Variants in CCDC32 observed in about 807,000 individuals in gnomAD.
CCDC32 encodes the protein coiled-coil domain containing 32, also known as coiled-coil domain-containing protein 32.
A neutral mutation model predicts 20.1 loss-of-function variants in CCDC32; 9 were observed. The observed-to-expected ratio is 0.45, with a 90% CI of 0.27 to 0.78. The LOEUF (loss-of-function observed/expected upper bound fraction) is 0.78. Among genes scored for constraint, CCDC32 ranks in the 30% least tolerant of loss-of-function variants. The pLI is 0.16. For missense variants in CCDC32, 204 were observed against 215.5 expected, an observed-to-expected ratio of 0.95 and a Z score of 0.33; for synonymous variants, 63 against 79.0, an observed-to-expected ratio of 0.80 and a Z score of 1.07.
At chr15:40,539,880 A>ACCC in intron 3 of CCDC32, among the ~76,000 whole-genome samples, 1 of 139,040 alleles carries the variant, frequency 7.2e-6, no homozygotes, top group East Asian at 2.0e-4. Flanking sequence ...ACACACACAC[A>ACCC]CCCCGCTCCT....
chr15:40,527,668 G>C (rs1402045594), downstream of CCDC32, among the ~76,000 whole-genome samples: 1 of 152,194 alleles, frequency 6.6e-6, no homozygotes, highest in Non-Finnish European at 1.5e-5. Context: ...TACTGTGGGA[G>C]GGGAGCTGGT....
chr15:40,541,321 C>G (rs1013929681), intron 3 of CCDC32, among the ~76,000 whole-genome samples: 17 of 144,470 alleles, frequency 1.2e-4, no homozygotes, highest in Admixed American at 9.7e-4. Context: ...TGGCAAAATT[C>G]TGAGCTGTAA....
At position 40,562,973 on chromosome 15, in the gene CCDC32, C is replaced by A. The variant is rs200355814; in HGVS notation, c.43G>T (p.Gly15Cys). The change falls in exon 2 of 4, where the codon GGC becomes TGC. Residue 15 changes from glycine to cysteine, a missense_variant. Gly to Cys is a radical substitution (Grantham distance 159). Coordinates refer to ENST00000416810, the MANE Select transcript of CCDC32 (RefSeq NM_001080792.4). The stretch of plus-strand genomic sequence containing the variant: ...CAAATTTCAGCCCAGAGATCCTGGC[C>A]AGATCTTGTGGCTGTAGAGTCAGCG... ...ESADSTATRS[G>C]QDLWAEICSC... The A allele has an allele frequency of 5.8e-5, 93 of 1,614,182 alleles. No individual in the cohort carries two copies. The East Asian group carries it at 2.0e-3, about 35-fold the overall frequency.
chr15:40,532,265 A>C (rs189049717), downstream of CCDC32: 3 of 703,096 alleles, frequency 4.3e-6, no homozygotes, highest in Non-Finnish European at 5.2e-6. Context: ...TCCTGGCATC[A>C]GGTGTCAAAG....
intron 3 of CCDC32, among the ~76,000 whole-genome samples, chr15:40,543,106 C>A (rs1314228869): frequency 2.7e-5 from 4 of 150,740 alleles, no homozygotes; most frequent in Admixed American, 6.6e-5. Flanking sequence ...AATGCCACTA[C>A]ACTCTAGCCT....
downstream of CCDC32, among the ~76,000 whole-genome samples, chr15:40,527,166 G>A (rs1894909336): frequency 6.7e-6 from 1 of 150,336 alleles, no homozygotes; most frequent in Non-Finnish European, 1.5e-5. Context: ...GCCTAGGCTG[G>A]TCTCGAACTG....
At chr15:40,523,098 A>G in the CCDC32 span, among the ~76,000 whole-genome samples, 1 of 151,702 alleles carries the variant, frequency 6.6e-6, no homozygotes, top group Non-Finnish European at 1.5e-5. Context: ...CCTGGCCAAC[A>G]TAGTGAAACC....
In CCDC32 at chr15:40,547,507, C is replaced by T. The variant is rs146959625; in HGVS notation, c.402-8152G>A. On this transcript the variant is annotated intron_variant, in intron 3 of 3. Coordinates refer to the CCDC32 transcript ENST00000558113. The stretch of plus-strand genomic sequence containing the variant: ...GATTAGCCAAAGTTCTTGCCCTCCC[C>T]ACAACAGAGTGGACCTTCGCTTGAA... Among the ~76,000 whole-genome samples, 260 of 152,288 alleles carry T rather than the reference C, an allele frequency of 1.7e-3. 1 individual carries two copies. Among genetic ancestry groups the T allele is most frequent in the Non-Finnish European group, 3.1e-3 (208 of 68,030 alleles).
downstream of CCDC32, among the ~76,000 whole-genome samples, chr15:40,550,770 C>A (rs1889820078): frequency 6.6e-6 from 1 of 152,222 alleles, no homozygotes; most frequent in Non-Finnish European, 1.5e-5. Context: ...CAGGTTTACA[C>A]ATGGGCTAGA....
chr15:40,555,958 T>C (rs193133478), intron 3 of CCDC32, among the ~76,000 whole-genome samples: 1 of 152,358 alleles, frequency 6.6e-6, no homozygotes, highest in Non-Finnish European at 1.5e-5. Context: ...CAGCCAACAC[T>C]TCTATAGTGC....
At chr15:40,525,065 C>CT (rs1487761331), downstream of CCDC32, among the ~76,000 whole-genome samples, 15 of 150,332 alleles carry the variant, frequency 1.0e-4, no homozygotes, top group Admixed American at 3.3e-4. Flanking sequence ...GAGTCTCACT[C>CT]TGTCGCCCAG....
chr15:40,561,208 C>T (rs893063685), intron 2 of CCDC32, among the ~76,000 whole-genome samples: 1 of 152,106 alleles, frequency 6.6e-6, no homozygotes, highest in African/African-American at 2.4e-5. Context: ...GGCACGGTGG[C>T]TCACACCTGT....
At chr15:40,558,212 A>G (rs1030827616) in intron 2 of CCDC32, among the ~76,000 whole-genome samples, 1 of 152,224 alleles carries the variant, frequency 6.6e-6, no homozygotes, top group African/African-American at 2.4e-5. Flanking sequence ...GGTGGTGAAC[A>G]TCAAGCTTAG....
chr15:40,549,649 T>TG (rs1315155702), downstream of CCDC32, among the ~76,000 whole-genome samples: 8 of 152,302 alleles, frequency 5.3e-5, no homozygotes, highest in Non-Finnish European at 1.0e-4. Flanking sequence ...GCACCATGCC[T>TG]GGAACATGGC....
At chr15:40,521,777 A>G in the CCDC32 span, among the ~76,000 whole-genome samples, 1 of 152,260 alleles carries the variant, frequency 6.6e-6, no homozygotes, top group African/African-American at 2.4e-5. Context: ...ATGTCTATTC[A>G]GATCCTTTGC....
In CCDC32 at chr15:40,553,678, C is replaced by T. The variant is rs1206037505; in HGVS notation, c.*293G>A. 7.6e-6 allele frequency: 9 copies of T among 1,182,808 alleles called. No homozygotes were observed. The African/African-American group carries it at 1.1e-4, about 14-fold the overall frequency. 73.3% of individuals were successfully genotyped at this position (1,182,808 alleles called of 1,614,324 possible). A position where few individuals can be genotyped will look rare whatever the true frequency, so the allele number is the denominator to read the frequency against. ...ACTTCTAACCTGCAGAGACAGAGCT[C>T]AGCCAAGCTGTGAGACACAGAGGAA... On this transcript the variant is annotated 3_prime_UTR_variant, in exon 4 of 4. Coordinates refer to ENST00000416810, the MANE Select transcript of CCDC32 (RefSeq NM_001080792.4).
chr15:40,546,024 C>T (rs969074662), intron 3 of CCDC32, among the ~76,000 whole-genome samples: 1 of 152,114 alleles, frequency 6.6e-6, no homozygotes, highest in Non-Finnish European at 1.5e-5. Flanking sequence ...GCTTTTCCCC[C>T]ATCCCAGTTT....
At chr15:40,535,685 G>T (rs949584644), downstream of CCDC32, 21 of 979,274 alleles carry the variant, frequency 2.1e-5, 1 homozygote, top group Admixed American at 1.3e-3. Flanking sequence ...CCAAAAGCAG[G>T]GAAGTCATCA....
downstream of CCDC32, among the ~76,000 whole-genome samples, chr15:40,526,318 G>A (rs928472774): frequency 2.0e-5 from 3 of 152,166 alleles, no homozygotes; most frequent in Non-Finnish European, 4.4e-5. Context: ...ATTAGCTACT[G>A]TATGCCAGGT....
Sources: gnomAD v4.1 joint callset for allele counts (sites outside exome capture counted in the v4.1 genomes callset) on GRCh38, gnomAD v4.1.1 for gene constraint, MANE v1.5 for transcripts, NCBI Gene and HGNC (gene_info 2026-07-23, HGNC 2026-07-21) for gene names.